DNAH6: variants seen among roughly 807,000 people sequenced by gnomAD.
DNAH6 encodes the protein dynein axonemal heavy chain 6.
DNAH6 carries 340 observed loss-of-function variants against 491.4 expected under a neutral mutation model. That is an observed-to-expected ratio of 0.69 (90% CI 0.63 to 0.76). DNAH6 has a LOEUF of 0.76. Among genes scored for constraint, DNAH6 ranks in the 30% least tolerant of loss-of-function variants. The pLI is 0.00. For synonymous variants in DNAH6, 1,603 were observed against 1,686.1 expected (o/e 0.95, Z 1.21); for missense variants, 4,443 against 4,972.2 (o/e 0.89, Z 3.20).
At chr2:84,631,953 T>C (rs1173603957) in intron 29 of DNAH6, among the ~76,000 whole-genome samples, 1 of 152,190 alleles carries the variant, frequency 6.6e-6, no homozygotes. Context: ...TAATATCCTT[T>C]TACCAAGAGA....
At position 84,557,773 on chromosome 2, in the gene DNAH6, T is replaced by C. The variant is rs1417971516; in HGVS notation, c.1641T>C (p.Thr547=). Residue 547 remains threonine, a synonymous_variant, in exon 11 of 77, where the codon ACT becomes ACC. Transcript: ENST00000389394. The part of the protein sequence containing the change: ...ILGAVNHCQN[T]VLSVPNLVPD... ...GTGCAGTTAATCACTGTCAAAACAC[T>C]GTGTTATCAGTTCCTAATCTCGTGC... The C allele has an allele frequency of 6.2e-7, 1 of 1,606,680 alleles. No homozygotes were observed. The highest frequency in any genetic ancestry group is 1.7e-5 in the Admixed American group (1 of 59,766).
chr2:84,518,061 A>G lies in DNAH6; in HGVS notation c.225+10A>G. The G allele has an allele frequency of 2.0e-6, 3 of 1,533,904 alleles. No homozygotes were observed. The highest frequency in any genetic ancestry group is 2.6e-6 in the Non-Finnish European group (3 of 1,140,334). On this transcript the variant is annotated intron_variant, in intron 2 of 76. Coordinates refer to ENST00000389394, the MANE Select transcript of DNAH6 (RefSeq NM_001370.2). ...AAAACTAGAGCCTTTGGTAAGTTCA[A>G]AAACCATTGTTTTAGCCTCTGTAGC...
At chr2:84,517,074 A>G (rs1006244539) in intron 1 of DNAH6, among the ~76,000 whole-genome samples, 2 of 152,158 alleles carry the variant, frequency 1.3e-5, no homozygotes, top group African/African-American at 2.4e-5. Flanking sequence ...TCATATTTCT[A>G]TTGGCCAGCA....
At chr2:84,578,855 G>T (rs962459462) in intron 13 of DNAH6, among the ~76,000 whole-genome samples, 1 of 152,276 alleles carries the variant, frequency 6.6e-6, no homozygotes, top group African/African-American at 2.4e-5. Flanking sequence ...CTGTTCTCCT[G>T]ACAGTAAGTG....
chr2:84,769,452 A>G (rs188969393), intron 64 of DNAH6, among the ~76,000 whole-genome samples: 1 of 152,372 alleles, frequency 6.6e-6, no homozygotes, highest in East Asian at 1.9e-4. Flanking sequence ...TCAGCAACCA[A>G]GTGAATGCTT....
At chr2:84,711,184 C>G (rs115128396) in intron 56 of DNAH6, among the ~76,000 whole-genome samples, 3,827 of 152,222 alleles carry the variant, frequency 0.025, 56 homozygotes, top group Middle Eastern at 0.086. Flanking sequence ...GCTGGTCTGA[C>G]TTAGATATGT....
At chr2:84,791,990 A>G (rs1327117822) in intron 68 of DNAH6, among the ~76,000 whole-genome samples, 7 of 152,222 alleles carry the variant, frequency 4.6e-5, no homozygotes, top group East Asian at 1.9e-4. Flanking sequence ...ATGTCCATCA[A>G]CATATAAATG....
At chr2:84,641,853 TCAGGG>T (rs1689438870) in intron 32 of DNAH6, 89 bp from the exon 33 acceptor site, 4 of 953,148 alleles carry the variant, frequency 4.2e-6, no homozygotes, top group Non-Finnish European at 6.2e-6. Context: ...ACAGGAATCC[TCAGGG>T]GAAGGGCTCT....
intron 18 of DNAH6, among the ~76,000 whole-genome samples, chr2:84,596,697 G>A (rs936772143): frequency 1.3e-5 from 2 of 151,600 alleles, no homozygotes; most frequent in Non-Finnish European, 2.9e-5. Flanking sequence ...GAGAAGAAAA[G>A]TAAGCAAAGC....
chr2:84,682,634 A>G (rs893137146), intron 42 of DNAH6, among the ~76,000 whole-genome samples: 9 of 152,166 alleles, frequency 5.9e-5, no homozygotes, highest in African/African-American at 2.2e-4. Context: ...TTGGCCATGC[A>G]TACCCCGGCC....
chr2:84,525,864 G>A (rs901934725), intron 3 of DNAH6, 126 bp downstream of exon 3: 14 of 713,308 alleles, frequency 2.0e-5, no homozygotes, highest in Non-Finnish European at 3.2e-5. Context: ...TAATGAGTTT[G>A]GGAAATATAA....
intron 59 of DNAH6, among the ~76,000 whole-genome samples, chr2:84,720,413 G>A (rs1698010032): frequency 6.7e-6 from 1 of 149,612 alleles, no homozygotes; most frequent in Non-Finnish European, 1.5e-5. Flanking sequence ...CAAGTAGCTG[G>A]GACTACAGGC....
intron 57 of DNAH6, among the ~76,000 whole-genome samples, chr2:84,714,361 C>T (rs961417533): frequency 6.6e-6 from 1 of 152,120 alleles, no homozygotes; most frequent in Non-Finnish European, 1.5e-5. Context: ...TTGTCAGCCT[C>T]GAGGAGTTTA....
chr2:84,595,595 C>A, intron 17 of DNAH6, 51 bp from the exon 18 acceptor site: 1 of 1,461,738 alleles, frequency 6.8e-7, no homozygotes. Context: ...TCAAACCTGA[C>A]TTTTACTTTA....
chr2:84,689,957 C>T (rs928727898), intron 45 of DNAH6, among the ~76,000 whole-genome samples: 1 of 152,166 alleles, frequency 6.6e-6, no homozygotes, highest in East Asian at 1.9e-4. Context: ...TTATCTTCTC[C>T]AGGCAAAATT....
intron 70 of DNAH6, among the ~76,000 whole-genome samples, chr2:84,802,615 G>T (rs992898502): frequency 1.3e-5 from 2 of 151,920 alleles, no homozygotes; most frequent in Admixed American, 1.3e-4. Flanking sequence ...AGCAGGGGGT[G>T]GGGGGACTTC....
intron 64 of DNAH6, among the ~76,000 whole-genome samples, chr2:84,768,090 A>C (rs2105161531): frequency 6.6e-6 from 1 of 152,222 alleles, no homozygotes; most frequent in Non-Finnish European, 1.5e-5. Flanking sequence ...AAAATAAATT[A>C]AGCAGAATAA....
At chr2:84,557,426 C>G (rs2104595054) in intron 10 of DNAH6, among the ~76,000 whole-genome samples, 1 of 150,966 alleles carries the variant, frequency 6.6e-6, no homozygotes, top group East Asian at 1.9e-4. Flanking sequence ...GCGGGTGGAT[C>G]ATGAGGTCAG....
chr2:84,492,880 T>C, the DNAH6 span, among the ~76,000 whole-genome samples: 1 of 152,120 alleles, frequency 6.6e-6, no homozygotes, highest in Non-Finnish European at 1.5e-5. Flanking sequence ...TGACACAAAC[T>C]ACAAAATCAT....
Sources: gnomAD v4.1 joint callset for allele counts (sites outside exome capture counted in the v4.1 genomes callset) on GRCh38, gnomAD v4.1.1 for gene constraint, MANE v1.5 for transcripts, NCBI Gene and HGNC (gene_info 2026-07-23, HGNC 2026-07-21) for gene names.